The following CACNB2 variants were observed in gnomAD, a reference collection of about 807,000 sequenced individuals.
CACNB2 encodes calcium voltage-gated channel auxiliary subunit beta 2.
In CACNB2, 42 loss-of-function variants were observed where a neutral mutation model predicts 73.3. The observed-to-expected ratio is 0.57, with a 90% CI of 0.45 to 0.74. The LOEUF is 0.74. CACNB2 is among the 30% of genes least tolerant of loss of function. The pLI is 0.00. For synonymous variants in CACNB2, 348 were observed against 310.3 expected (o/e 1.12, Z -1.28); for missense variants, 940 against 853.0 (o/e 1.10, Z -1.27).
intron 2 of CACNB2, among the ~76,000 whole-genome samples, chr10:18,350,817 G>A (rs568302083): frequency 1.8e-4 from 27 of 152,282 alleles, no homozygotes; most frequent in African/African-American, 6.5e-4. Context: ...AGTGGTGGTG[G>A]TTGTTTTTGA....
chr10:18,301,512 T>A (rs1429461146), intron 2 of CACNB2, among the ~76,000 whole-genome samples: 1 of 152,042 alleles, frequency 6.6e-6, no homozygotes, highest in Non-Finnish European at 1.5e-5. Flanking sequence ...GGAGGATCAT[T>A]TGAGCCCAGG....
At chr10:18,264,086 G>A (rs2037678976) in intron 2 of CACNB2, among the ~76,000 whole-genome samples, 1 of 152,194 alleles carries the variant, frequency 6.6e-6, no homozygotes, top group Non-Finnish European at 1.5e-5. Context: ...TAAGCTCTGT[G>A]TGCATTTCTG....
intron 3 of CACNB2, among the ~76,000 whole-genome samples, chr10:18,414,932 C>T (rs1488723729): frequency 1.3e-5 from 2 of 152,172 alleles, no homozygotes; most frequent in African/African-American, 4.8e-5. Context: ...TCAACCCTCT[C>T]TGTTCTTACA....
At chr10:18,487,953 A>G (rs1287495629) in intron 3 of CACNB2, among the ~76,000 whole-genome samples, 1 of 151,814 alleles carries the variant, frequency 6.6e-6, no homozygotes, top group Non-Finnish European at 1.5e-5. Flanking sequence ...CCCTAGTTTT[A>G]CAGAGGGAAT....
chr10:18,518,556 C>T, intron 8 of CACNB2, 140 bp downstream of exon 8: 1 of 740,584 alleles, frequency 1.4e-6, no homozygotes, highest in East Asian at 2.5e-5. Context: ...AGCAGCAAAG[C>T]CTGTTGTTCT....
Position 18,539,568 on chromosome 10 carries a change from C to T in CACNB2, c.1827C>T (p.Ser609=), listed in dbSNP as rs542191650. The change falls in exon 14 of 14, where the codon TCC becomes TCT. Residue 609 remains serine (S), a synonymous_variant. Coordinates refer to ENST00000324631, the MANE Select transcript of CACNB2 (RefSeq NM_201596.3). ...DHRHRESRHR[S]RDVDREQDHN... is the part of the protein sequence containing the mutation. ...GACACAGGGAGTCCCGGCACCGTTC[C>T]CGGGACGTGGATCGAGAGCAGGACC... 4 of 1,613,736 alleles carry T rather than the reference C, an allele frequency of 2.5e-6. No homozygotes were observed. The African/African-American group carries it at 4.0e-5, about 16-fold the overall frequency.
chr10:18,405,880 G>C (rs539244636), intron 3 of CACNB2, among the ~76,000 whole-genome samples: 20 of 152,172 alleles, frequency 1.3e-4, no homozygotes, highest in African/African-American at 4.3e-4. Context: ...ATCACTTGAC[G>C]CTGGGAGGGA....
At chr10:18,506,386 A>G (rs2050490240) in intron 5 of CACNB2, 85 bp from the exon 6 acceptor site, 1 of 768,098 alleles carries the variant, frequency 1.3e-6, no homozygotes, top group Non-Finnish European at 2.4e-6. Flanking sequence ...ATAAAACCAT[A>G]ATGAATTATG....
chr10:18,429,837 A>T (rs1399048542), intron 3 of CACNB2, among the ~76,000 whole-genome samples: 1 of 150,020 alleles, frequency 6.7e-6, no homozygotes. Context: ...CAAATTAACC[A>T]AGCATGATGT....
At chr10:18,453,551 C>T (rs1026905497) in intron 3 of CACNB2, among the ~76,000 whole-genome samples, 1 of 152,228 alleles carries the variant, frequency 6.6e-6, no homozygotes, top group Non-Finnish European at 1.5e-5. Context: ...CACTGCCGCT[C>T]GTATCACCCT....
At chr10:18,446,813 C>A (rs1323594738) in intron 3 of CACNB2, among the ~76,000 whole-genome samples, 1 of 152,212 alleles carries the variant, frequency 6.6e-6, no homozygotes, top group East Asian at 1.9e-4. Flanking sequence ...GCCTGTAATC[C>A]TAGCAGTTTG....
chr10:18,373,682 A>G (rs1448319750), intron 2 of CACNB2, among the ~76,000 whole-genome samples: 1 of 152,218 alleles, frequency 6.6e-6, no homozygotes, highest in Non-Finnish European at 1.5e-5. Context: ...CAAGCCTTTG[A>G]GGTTAGCCTA....
intron 2 of CACNB2, among the ~76,000 whole-genome samples, chr10:18,329,196 G>A (rs1261147762): frequency 6.6e-6 from 1 of 152,152 alleles, no homozygotes; most frequent in Non-Finnish European, 1.5e-5. Flanking sequence ...CAGATTAAAT[G>A]TGTGTGTTCT....
chr10:18,258,085 AT>A (rs1362490043), intron 2 of CACNB2, among the ~76,000 whole-genome samples: 1 of 152,130 alleles, frequency 6.6e-6, no homozygotes, highest in Admixed American at 6.5e-5. Context: ...CATGGATTGT[AT>A]TTTATTCATT....
At chr10:18,358,533 T>TGGAGCTG (rs2042017473) in intron 2 of CACNB2, among the ~76,000 whole-genome samples, 5 of 35,460 alleles carry the variant, frequency 1.4e-4, no homozygotes, top group Non-Finnish European at 3.2e-4. Context: ...TCTCTCTCTC[T>TGGAGCTG]CTCTCTCTCT....
At chr10:18,371,988 G>T (rs1277121530) in intron 2 of CACNB2, among the ~76,000 whole-genome samples, 2 of 152,182 alleles carry the variant, frequency 1.3e-5, no homozygotes, top group Non-Finnish European at 2.9e-5. Flanking sequence ...TCTTTTGCCT[G>T]CATAAATGTC....
rs77186843 is a variant in CACNB2 at position 18,287,588 on chromosome 10, C to T, written c.214-114336C>T. Reference sequence around the variant, plus strand: ...AAACAGGGCCAGGCGCAGTGGCTCACGCCTGTAATCCCAGCACTTTGGGAG... The same window carrying T: ...AAACAGGGCCAGGCGCAGTGGCTCATGCCTGTAATCCCAGCACTTTGGGAG... On this transcript the variant is annotated intron_variant, in intron 2 of 13. Transcript: ENST00000324631. 9.9e-5 allele frequency among the ~76,000 whole-genome samples: 15 copies of T among 152,264 alleles called. No homozygotes were observed. The East Asian group carries it at 2.1e-3, about 22-fold the overall frequency.
chr10:18,168,024 T>C (rs2032975305), intron 2 of CACNB2, among the ~76,000 whole-genome samples: 1 of 152,216 alleles, frequency 6.6e-6, no homozygotes, highest in Non-Finnish European at 1.5e-5. Context: ...GAAACCTCTC[T>C]ATCTTAATGA....
chr10:18,491,434 A>G (rs1278626718), intron 3 of CACNB2, among the ~76,000 whole-genome samples: 1 of 152,176 alleles, frequency 6.6e-6, no homozygotes, highest in Non-Finnish European at 1.5e-5. Flanking sequence ...AAGTAAAAAT[A>G]AAAATTAGCT....
Sources: gnomAD v4.1 joint callset for allele counts (sites outside exome capture counted in the v4.1 genomes callset) on GRCh38, gnomAD v4.1.1 for gene constraint, MANE v1.5 for transcripts, NCBI Gene and HGNC (gene_info 2026-07-23, HGNC 2026-07-21) for gene names.